SLC9C2: variants seen among roughly 807,000 people sequenced by gnomAD.
SLC9C2 encodes the protein sodium/hydrogen exchanger 11.
A neutral mutation model predicts 140.2 loss-of-function variants in SLC9C2; 75 were observed. The ratio of observed to expected loss-of-function variants is 0.53; its 90% confidence interval spans 0.44 to 0.65. The LOEUF is 0.65. SLC9C2 is among the 30% of genes least tolerant of loss of function. The pLI, the probability that SLC9C2 is intolerant of heterozygous loss-of-function variation, is 0.00. For synonymous variants in SLC9C2, 375 were observed against 420.9 expected (o/e 0.89, Z 1.34); for missense variants, 1,074 against 1,331.8 (o/e 0.81, Z 3.01).
intron 17 of SLC9C2, 150 bp from the exon 18 acceptor site, chr1:173,530,204 G>A (rs1333951753): frequency 3.0e-6 from 2 of 655,864 alleles, no homozygotes; most frequent in Non-Finnish European, 5.0e-6. Flanking sequence ...TCCCACTGGA[G>A]ACCTGTGGAA....
intron 20 of SLC9C2, 134 bp from the exon 21 acceptor site, chr1:173,524,228 A>C: frequency 8.6e-6 from 7 of 816,596 alleles, no homozygotes; most frequent in Non-Finnish European, 1.1e-5. Context: ...AGCTTGTCTC[A>C]TCCTATCTAA....
chr1:173,576,992 T>C (rs1665221438), intron 7 of SLC9C2, among the ~76,000 whole-genome samples: 1 of 152,248 alleles, frequency 6.6e-6, no homozygotes, highest in Non-Finnish European at 1.5e-5. Flanking sequence ...TCTGTTACAA[T>C]GGTTCAACTC....
chr1:173,506,873 G>A lies in SLC9C2; in HGVS notation c.3208C>T (p.Pro1070Ser). The change falls in exon 25 of 28, where the codon CCT becomes TCT. Residue 1070 changes from proline to serine, a missense_variant. Transcript: ENST00000367714. ...EEPYFAPCII[P>S]TTCEQVQGTS... is the part of the protein sequence containing the mutation. ...TTTCTTACCTGCTCACAGGTTGTAG[G>A]TATAATGCAAGGTGCAAAATATGGT... 1.9e-6 allele frequency: 3 copies of A among 1,613,184 alleles called. No homozygotes were observed. Among genetic ancestry groups the A allele is most frequent in the East Asian group, 2.2e-5 (1 of 44,818 alleles).
At chr1:173,554,844 C>A in intron 10 of SLC9C2, 30 bp from the exon 11 acceptor site, 1 of 1,303,584 alleles carries the variant, frequency 7.7e-7, no homozygotes, top group Non-Finnish European at 1.1e-6. Context: ...ATAGTTAGAA[C>A]CAAAACATTA....
At chr1:173,549,728 A>T (rs996803189) in intron 11 of SLC9C2, among the ~76,000 whole-genome samples, 1 of 152,186 alleles carries the variant, frequency 6.6e-6, no homozygotes, top group African/African-American at 2.4e-5. Flanking sequence ...ATGAACATTG[A>T]CTCTGAAAAG....
intron 9 of SLC9C2, among the ~76,000 whole-genome samples, chr1:173,562,563 G>T (rs1389047494): frequency 6.6e-6 from 1 of 152,072 alleles, no homozygotes. Context: ...CACCCCTCAG[G>T]ACCTTTGGAT....
chr1:173,587,098 A>G (rs1346025724), intron 5 of SLC9C2, among the ~76,000 whole-genome samples: 1 of 152,156 alleles, frequency 6.6e-6, no homozygotes, highest in Non-Finnish European at 1.5e-5. Flanking sequence ...ACCAAATAAT[A>G]TGGGAAATAG....
intron 13 of SLC9C2, among the ~76,000 whole-genome samples, chr1:173,544,994 C>T (rs1357945693): frequency 6.6e-6 from 1 of 152,108 alleles, no homozygotes; most frequent in Non-Finnish European, 1.5e-5. Context: ...TACCCTAGAA[C>T]TTAAAGTATA....
chr1:173,600,258 TAC>T (rs1231919065), intron 2 of SLC9C2, 41 bp from the exon 3 acceptor site: 10 of 1,407,660 alleles, frequency 7.1e-6, no homozygotes, highest in African/African-American at 2.8e-5. Context: ...GTACTCGAAG[TAC>T]AGTTTCTACC....
intron 14 of SLC9C2, 141 bp from the exon 15 acceptor site, chr1:173,536,090 C>T: frequency 1.5e-6 from 1 of 645,884 alleles, no homozygotes; most frequent in Non-Finnish European, 2.4e-6. Flanking sequence ...CTGCATCCAT[C>T]CACCTATCCA....
At chr1:173,527,818 T>G (rs1384823990) in intron 18 of SLC9C2, among the ~76,000 whole-genome samples, 3 of 152,164 alleles carry the variant, frequency 2.0e-5, no homozygotes, top group East Asian at 1.9e-4. Context: ...TTTTGTGGGG[T>G]TTTTTTGTTG....
rs371627335 is a variant in SLC9C2 at position 173,597,939 on chromosome 1, C to T, written c.322G>A (p.Val108Ile). 4.8e-5 allele frequency: 77 copies of T among 1,592,498 alleles called. 1 individual carries two copies. The highest frequency in any genetic ancestry group is 3.5e-5 in the Non-Finnish European group (41 of 1,170,194). ...ATTTTCTTGAGTGTATAAAATTCTA[C>T]ATCCAAAGCAACCATAAATATAATT... ...PLIIFMVALDVEFYTLKKMFW... is the reference protein window; with the variant it reads ...PLIIFMVALDIEFYTLKKMFW... Residue 108 changes from valine (V) to isoleucine (I), a missense_variant, in exon 4 of 28, where the codon GTA becomes ATA. Coordinates refer to ENST00000367714, the MANE Select transcript of SLC9C2 (RefSeq NM_178527.4).
intron 4 of SLC9C2, among the ~76,000 whole-genome samples, chr1:173,595,454 T>C (rs1666392375): frequency 6.6e-6 from 1 of 152,166 alleles, no homozygotes; most frequent in South Asian, 2.1e-4. Flanking sequence ...TTGTACACTT[T>C]TTATTGGCCA....
chr1:173,550,659 G>A (rs1398403827), intron 11 of SLC9C2, among the ~76,000 whole-genome samples: 2 of 151,308 alleles, frequency 1.3e-5, no homozygotes, highest in Non-Finnish European at 2.9e-5. Context: ...GGATGGTCTC[G>A]ATCTCTTGAC....
Position 173,548,549 on chromosome 1 carries a change from A to C in SLC9C2, c.1301T>G (p.Leu434Trp), listed in dbSNP as rs1167932715. The change falls in exon 12 of 28, where the codon TTG (leucine) becomes TGG (tryptophan). Residue 434 changes from leucine to tryptophan, a missense_variant. Leu to Trp is a moderately conservative substitution (Grantham distance 61). Transcript: ENST00000367714. The stretch of plus-strand genomic sequence containing the variant: ...TTGTCTTGGGAGGGAAAGAACACAC[A>C]AATCTGTGACAAAGACAAAAGCAAA... ...VMTQSARKLD[L>W]CVLSLPRQMI... 1 of 1,613,520 alleles carries C rather than the reference A, an allele frequency of 6.2e-7. No homozygotes were observed. The highest frequency in any genetic ancestry group is 1.7e-5 in the Admixed American group (1 of 59,996).
chr1:173,522,044 C>T (rs1157403371), intron 21 of SLC9C2, among the ~76,000 whole-genome samples: 1 of 151,810 alleles, frequency 6.6e-6, no homozygotes, highest in Admixed American at 6.6e-5. Flanking sequence ...TAACAATACA[C>T]GGTGAAACCC....
chr1:173,561,488 A>T (rs1255870467), intron 9 of SLC9C2, among the ~76,000 whole-genome samples: 1 of 152,184 alleles, frequency 6.6e-6, no homozygotes, highest in Admixed American at 6.5e-5. Flanking sequence ...CCTCAGACTA[A>T]AGAGTTAATA....
chr1:173,542,225 A>G (rs926398392), intron 13 of SLC9C2, among the ~76,000 whole-genome samples: 3 of 152,226 alleles, frequency 2.0e-5, no homozygotes, highest in African/African-American at 7.2e-5. Flanking sequence ...AGAACACTAT[A>G]AACACCTCTA....
chr1:173,596,148 A>T (rs12078293), intron 4 of SLC9C2, among the ~76,000 whole-genome samples: 61,715 of 151,998 alleles, frequency 0.41, 16,269 homozygotes, highest in African/African-American at 0.74. Context: ...TATTTCATTG[A>T]AAGATGTTCC....
Sources: gnomAD v4.1 joint callset for allele counts (sites outside exome capture counted in the v4.1 genomes callset) on GRCh38, gnomAD v4.1.1 for gene constraint, MANE v1.5 for transcripts, NCBI Gene and HGNC (gene_info 2026-07-23, HGNC 2026-07-21) for gene names.